TAFA2: variants seen among roughly 807,000 people sequenced by gnomAD.
TAFA2 encodes TAFA chemokine like family member 2.
In TAFA2, 7 loss-of-function variants were observed where a neutral mutation model predicts 18.8. The ratio of observed to expected loss-of-function variants is 0.37; its 90% CI spans 0.21 to 0.70. TAFA2 has a LOEUF of 0.70. Among genes scored for constraint, TAFA2 ranks in the 30% least tolerant of loss-of-function variants. The pLI is 0.53. For missense variants in TAFA2, 122 were observed against 158.1 expected (o/e 0.77, Z 1.23); for synonymous variants, 60 against 54.2 (o/e 1.11, Z -0.47).
chr12:61,868,892 T>C (rs1874471829), intron 1 of TAFA2, among the ~76,000 whole-genome samples: 1 of 152,146 alleles, frequency 6.6e-6, no homozygotes, highest in African/African-American at 2.4e-5. Context: ...GACTTTACTT[T>C]TTTTGGGTCT....
intron 1 of TAFA2, among the ~76,000 whole-genome samples, chr12:62,225,407 A>G (rs532580887): frequency 2.0e-4 from 30 of 152,322 alleles, no homozygotes; most frequent in East Asian, 3.9e-4. Flanking sequence ...TAAAGAAGCT[A>G]TAAGAAATCA....
intron 1 of TAFA2, among the ~76,000 whole-genome samples, chr12:62,075,303 T>C (rs1033009263): frequency 1.3e-5 from 2 of 152,202 alleles, no homozygotes; most frequent in African/African-American, 4.8e-5. Flanking sequence ...TCCACTAAAA[T>C]CAGTTATTCT....
intron 1 of TAFA2, among the ~76,000 whole-genome samples, chr12:62,163,464 T>C (rs149631251): frequency 1.3e-5 from 2 of 152,262 alleles, no homozygotes; most frequent in Non-Finnish European, 2.9e-5. Context: ...AAAAGAGCCA[T>C]TTTTTGTTCT....
chr12:61,937,955 G>GA (rs554465007), intron 1 of TAFA2, among the ~76,000 whole-genome samples: 18 of 150,994 alleles, frequency 1.2e-4, no homozygotes, highest in East Asian at 1.9e-4. Context: ...AAATCAGCAA[G>GA]AAAAAAAACA....
chr12:61,892,240 T>G (rs950115802), intron 1 of TAFA2, among the ~76,000 whole-genome samples: 2 of 152,046 alleles, frequency 1.3e-5, no homozygotes, highest in African/African-American at 4.8e-5. Context: ...AGATGAATAT[T>G]GGTGTCATTA....
chr12:61,908,845 C>T (rs957791294), intron 1 of TAFA2, among the ~76,000 whole-genome samples: 1 of 152,160 alleles, frequency 6.6e-6, no homozygotes, highest in Non-Finnish European at 1.5e-5. Context: ...TGGTCTTTCC[C>T]ATTCCAATAT....
chr12:62,134,953 A>G (rs2136899623), intron 1 of TAFA2, among the ~76,000 whole-genome samples: 1 of 152,000 alleles, frequency 6.6e-6, no homozygotes, highest in South Asian at 2.1e-4. Flanking sequence ...TTACCTGTCT[A>G]ATTTCTACTC....
chr12:62,036,680 A>G (rs1881620316), intron 1 of TAFA2, among the ~76,000 whole-genome samples: 1 of 152,256 alleles, frequency 6.6e-6, no homozygotes, highest in African/African-American at 2.4e-5. Context: ...AAATTATTAC[A>G]ATGTAAAATA....
intron 1 of TAFA2, among the ~76,000 whole-genome samples, chr12:62,200,477 G>T (rs1407063144): frequency 6.6e-6 from 1 of 152,168 alleles, no homozygotes; most frequent in African/African-American, 2.4e-5. Context: ...CATATGGCTA[G>T]CCAGTTATCC....
At chr12:62,145,074 C>G (rs1393371451) in intron 1 of TAFA2, among the ~76,000 whole-genome samples, 1 of 152,212 alleles carries the variant, frequency 6.6e-6, no homozygotes, top group Non-Finnish European at 1.5e-5. Flanking sequence ...GACACCATAA[C>G]TTCTTATTCA....
chr12:62,187,176 TGTAGTG>T (rs765261526), intron 1 of TAFA2, among the ~76,000 whole-genome samples: 1 of 152,190 alleles, frequency 6.6e-6, no homozygotes, highest in Non-Finnish European at 1.5e-5. Context: ...AATTCCCAGT[TGTAGTG>T]TCAATAAAAA....
chr12:62,222,791 G>A (rs1592408008), intron 1 of TAFA2, among the ~76,000 whole-genome samples: 1 of 152,104 alleles, frequency 6.6e-6, no homozygotes, highest in Non-Finnish European at 1.5e-5. Flanking sequence ...TGGGATTACA[G>A]GCGTGAGCCA....
At chr12:62,228,178 C>G (rs2062796161) in intron 1 of TAFA2, among the ~76,000 whole-genome samples, 1 of 152,092 alleles carries the variant, frequency 6.6e-6, no homozygotes. Flanking sequence ...AACCCTTTCC[C>G]TCTTCCTCCC....
intron 1 of TAFA2, among the ~76,000 whole-genome samples, chr12:62,220,903 C>A (rs1030802452): frequency 6.6e-6 from 1 of 151,726 alleles, no homozygotes; most frequent in African/African-American, 2.4e-5. Context: ...GGTCAGGAGT[C>A]GAGACCATCC....
chr12:62,077,845 T>G (rs115964944), intron 1 of TAFA2, among the ~76,000 whole-genome samples: 2,514 of 152,260 alleles, frequency 0.017, 61 homozygotes, highest in African/African-American at 0.056. Flanking sequence ...AACCCCATTC[T>G]AAGCTCTCAA....
At chr12:62,019,180 T>C (rs1171763141) in intron 1 of TAFA2, among the ~76,000 whole-genome samples, 1 of 151,900 alleles carries the variant, frequency 6.6e-6, no homozygotes, top group African/African-American at 2.4e-5. Flanking sequence ...AAACAACAGG[T>C]GATGGAGAGG....
chr12:61,725,059 A>T (rs1870095382), intron 4 of TAFA2, among the ~76,000 whole-genome samples: 1 of 151,858 alleles, frequency 6.6e-6, no homozygotes, highest in African/African-American at 2.4e-5. Flanking sequence ...GAGGTTGAGC[A>T]TGTTTTTATG....
chr12:62,146,723 C>A (rs1206650639), intron 1 of TAFA2, among the ~76,000 whole-genome samples: 1 of 152,144 alleles, frequency 6.6e-6, no homozygotes, highest in Non-Finnish European at 1.5e-5. Context: ...AATAGAAACA[C>A]AATCCAGGGC....
chr12:62,245,990 C>CTTTTT (rs376867882), intron 1 of TAFA2, among the ~76,000 whole-genome samples: 1 of 140,678 alleles, frequency 7.1e-6, no homozygotes, highest in Non-Finnish European at 1.5e-5. Flanking sequence ...ATTGTTATTC[C>CTTTTT]TTTTTTTTTT....
Sources: gnomAD v4.1 joint callset for allele counts (sites outside exome capture counted in the v4.1 genomes callset) on GRCh38, gnomAD v4.1.1 for gene constraint, MANE v1.5 for transcripts, NCBI Gene and HGNC (gene_info 2026-07-23, HGNC 2026-07-21) for gene names.